The following PRKG1 variants were observed in gnomAD, a reference collection of about 807,000 sequenced individuals.
PRKG1 encodes the protein cGMP-dependent protein kinase 1.
PRKG1 carries 35 observed loss-of-function variants against 88.1 expected under a neutral mutation model. The observed-to-expected ratio is 0.40, with a 90% CI of 0.30 to 0.53. PRKG1 has a LOEUF of 0.53. Among genes scored for constraint, PRKG1 ranks in the 20% least tolerant of loss-of-function variants. The pLI, the probability that PRKG1 is intolerant of heterozygous loss-of-function variation, is 0.59. For missense variants in PRKG1, 540 were observed against 839.8 expected (o/e 0.64, Z 4.41); for synonymous variants, 303 against 292.5 (o/e 1.04, Z -0.37).
At chr10:51,783,711 G>A (rs1395074075) in intron 3 of PRKG1, among the ~76,000 whole-genome samples, 1 of 152,114 alleles carries the variant, frequency 6.6e-6, no homozygotes, top group African/African-American at 2.4e-5. Flanking sequence ...AATCTGTGTT[G>A]TAAGAACCCT....
intron 3 of PRKG1, among the ~76,000 whole-genome samples, chr10:51,730,924 G>A (rs1489272732): frequency 6.6e-6 from 1 of 152,228 alleles, no homozygotes; most frequent in Non-Finnish European, 1.5e-5. Context: ...GGGAGGCCGA[G>A]GCGGGTGGAT....
upstream of PRKG1, among the ~76,000 whole-genome samples, chr10:51,072,889 AAC>A (rs1843853137): frequency 6.6e-6 from 1 of 152,202 alleles, no homozygotes; most frequent in African/African-American, 2.4e-5. Context: ...ATTCAAAAGC[AAC>A]AGTGTGCAAG....
chr10:51,893,985 A>C (rs1335077129), intron 4 of PRKG1, among the ~76,000 whole-genome samples: 1 of 152,192 alleles, frequency 6.6e-6, no homozygotes, highest in African/African-American at 2.4e-5. Context: ...AGTGCTATTC[A>C]GGTGGGATGC....
At position 51,496,473 on chromosome 10, in the gene PRKG1, T is replaced by C. The variant is rs200248376; in HGVS notation, c.592+28637T>C. Among the ~76,000 whole-genome samples the C allele has an allele frequency of 1.6e-4, 24 of 152,274 alleles. No individual in the cohort carries two copies. In the East Asian group the frequency reaches 4.6e-3, roughly 29 times the overall value. ...AAAGACCTTCAGCCTCACTTTCAAG[T>C]AGAGAATTTTAGAATCACCCTTGGG... On this transcript the variant is annotated intron_variant, in intron 3 of 17. Coordinates refer to ENST00000373980, the MANE Select transcript of PRKG1 (RefSeq NM_006258.4).
chr10:51,509,576 C>A (rs745461332), intron 3 of PRKG1, among the ~76,000 whole-genome samples: 4 of 151,940 alleles, frequency 2.6e-5, no homozygotes, highest in Non-Finnish European at 5.9e-5. Context: ...GGGTCTCACT[C>A]TGTTGAGCAA....
intron 2 of PRKG1, among the ~76,000 whole-genome samples, chr10:51,217,027 G>A (rs1838389553): frequency 1.3e-5 from 2 of 152,092 alleles, no homozygotes; most frequent in African/African-American, 4.8e-5. Context: ...ATAAGAAAAT[G>A]ATCTCCTGTG....
At chr10:51,730,013 G>A (rs1331128712) in intron 3 of PRKG1, among the ~76,000 whole-genome samples, 3 of 152,050 alleles carry the variant, frequency 2.0e-5, no homozygotes, top group Non-Finnish European at 2.9e-5. Context: ...ATATTGACCC[G>A]TCATTACCCA....
intron 2 of PRKG1, among the ~76,000 whole-genome samples, chr10:51,369,838 A>G (rs147538278): frequency 1.3e-5 from 2 of 152,164 alleles, no homozygotes; most frequent in Non-Finnish European, 2.9e-5. Flanking sequence ...TCTGAGAGAA[A>G]AAGAACGCCC....
In PRKG1 at chr10:51,009,246, G is replaced by T. The variant is rs573786171; in HGVS notation, c.266+17602G>T. Among the ~76,000 whole-genome samples, 371 of 152,188 alleles carry T rather than the reference G, an allele frequency of 2.4e-3. 2 individuals are homozygous for T. Among genetic ancestry groups the T allele is most frequent in the African/African-American group, 8.4e-3 (350 of 41,534 alleles). ...AATAAACCACAAATAGATATATTAG[G>T]ATAAAGATAGATTTTCTTTGGTGTA... On this transcript the variant is annotated intron_variant, in intron 1 of 17. Coordinates refer to the PRKG1 transcript ENST00000401604.
chr10:52,207,647 C>T (rs1839856394), intron 9 of PRKG1, among the ~76,000 whole-genome samples: 1 of 152,200 alleles, frequency 6.6e-6, no homozygotes, highest in Non-Finnish European at 1.5e-5. Flanking sequence ...GCAGCAATCC[C>T]TGCTAGCTTA....
At chr10:51,278,380 A>G (rs900584529) in intron 2 of PRKG1, among the ~76,000 whole-genome samples, 1 of 152,056 alleles carries the variant, frequency 6.6e-6, no homozygotes. Flanking sequence ...GGATTTTTGC[A>G]TCAGTGTTCA....
At chr10:51,394,216 A>G (rs1837517266) in intron 2 of PRKG1, among the ~76,000 whole-genome samples, 1 of 152,204 alleles carries the variant, frequency 6.6e-6, no homozygotes, top group South Asian at 2.1e-4. Context: ...ATGATTAAAG[A>G]CTGTCATATA....
intron 9 of PRKG1, among the ~76,000 whole-genome samples, chr10:52,251,141 G>A (rs917953178): frequency 6.6e-6 from 1 of 151,972 alleles, no homozygotes; most frequent in Non-Finnish European, 1.5e-5. Flanking sequence ...GCCAGCCTGT[G>A]GATAAGGGAA....
chr10:52,046,670 G>A (rs1482119308), intron 5 of PRKG1: 1 of 152,102 alleles, frequency 6.6e-6, no homozygotes, highest in Admixed American at 6.6e-5. Flanking sequence ...TTTGTAACCA[G>A]GGAGCCTGCC....
chr10:51,441,453 C>T (rs1260914493), intron 2 of PRKG1, among the ~76,000 whole-genome samples: 3 of 151,800 alleles, frequency 2.0e-5, no homozygotes, highest in Non-Finnish European at 2.9e-5. Context: ...ATTGACATTC[C>T]TCCCCTAGCA....
At chr10:51,289,533 G>C (rs542212785) in intron 2 of PRKG1, among the ~76,000 whole-genome samples, 1 of 152,128 alleles carries the variant, frequency 6.6e-6, no homozygotes, top group African/African-American at 2.4e-5. Context: ...GAGTATCTCT[G>C]TCCAAATTAA....
Position 51,502,676 on chromosome 10 carries a change from C to T in PRKG1, c.592+34840C>T, listed in dbSNP as rs181058841. The stretch of plus-strand genomic sequence containing the variant: ...GGGGATAATGATGCTATCCAAATCC[C>T]ACAGTTACTCTGATCATCAAATGAA... On this transcript the variant is annotated intron_variant, in intron 3 of 17. Coordinates refer to ENST00000373980, the MANE Select transcript of PRKG1 (RefSeq NM_006258.4). 2.3e-3 allele frequency among the ~76,000 whole-genome samples: 352 copies of T among 152,180 alleles called. 1 individual carries two copies. The highest frequency in any genetic ancestry group is 8.0e-3 in the African/African-American group (331 of 41,510).
At chr10:51,938,238 T>C (rs1842836077) in intron 5 of PRKG1, among the ~76,000 whole-genome samples, 2 of 152,074 alleles carry the variant, frequency 1.3e-5, no homozygotes, top group South Asian at 2.1e-4. Context: ...TTTATTAAAG[T>C]ATGTTGTTAA....
chr10:52,056,842 C>T (rs1049178119), intron 6 of PRKG1, among the ~76,000 whole-genome samples: 1 of 151,810 alleles, frequency 6.6e-6, no homozygotes, highest in Non-Finnish European at 1.5e-5. Flanking sequence ...AAGAATATGT[C>T]ACCATATACA....
Sources: gnomAD v4.1 joint callset for allele counts (sites outside exome capture counted in the v4.1 genomes callset) on GRCh38, gnomAD v4.1.1 for gene constraint, MANE v1.5 for transcripts, NCBI Gene and HGNC (gene_info 2026-07-23, HGNC 2026-07-21) for gene names.